Variants in ZNF717 observed in about 807,000 individuals in gnomAD.
The protein encoded by ZNF717 is krueppel-like factor X17.
ZNF717 carries 9 observed loss-of-function variants against 13.8 expected under a neutral mutation model. That is an observed-to-expected ratio of 0.65 (90% CI 0.39 to 1.14). The LOEUF is 1.14. Ranked by LOEUF, ZNF717 falls within the 50% of genes most tolerant of loss-of-function variation. The pLI is 0.01. For missense variants in ZNF717, 1,040 were observed against 1,080.7 expected (o/e 0.96, Z 0.53); for synonymous variants, 327 against 364.1 (o/e 0.90, Z 1.16).
intron 2 of ZNF717, among the ~76,000 whole-genome samples, chr3:75,750,887 CCT>C (rs1941713921): frequency 6.6e-6 from 1 of 151,426 alleles, no homozygotes; most frequent in Non-Finnish European, 1.5e-5. Flanking sequence ...AACGTTTGTC[CCT>C]CTCATGGGAT....
chr3:75,720,191 A>T (rs1257747453), intron 4 of ZNF717, among the ~76,000 whole-genome samples: 1 of 152,090 alleles, frequency 6.6e-6, no homozygotes, highest in Non-Finnish European at 1.5e-5. Context: ...ACCCAAAGAC[A>T]CATACACTAA....
chr3:75,782,651 T>C (rs1481884687), intron 2 of ZNF717, among the ~76,000 whole-genome samples: 1 of 152,096 alleles, frequency 6.6e-6, no homozygotes, highest in East Asian at 1.9e-4. Flanking sequence ...CCATTTCCAC[T>C]GCACAACACA....
At chr3:75,696,705 C>A (rs1475711705) in intron 6 of ZNF717, among the ~76,000 whole-genome samples, 3 of 152,288 alleles carry the variant, frequency 2.0e-5, no homozygotes, top group African/African-American at 7.2e-5. Context: ...CCAGTATGGC[C>A]AACATGGCAA....
At chr3:75,727,457 C>G (rs1938308197), downstream of ZNF717, among the ~76,000 whole-genome samples, 1 of 152,154 alleles carries the variant, frequency 6.6e-6, no homozygotes, top group African/African-American at 2.4e-5. Flanking sequence ...TCACTGAATT[C>G]TTTTCCCAGC....
chr3:75,736,858 G>A lies in ZNF717; in HGVS notation c.*20C>T. 6.6e-7 allele frequency: 1 copy of A among 1,522,688 alleles called. No individual in the cohort carries two copies. Among genetic ancestry groups the A allele is most frequent in the Non-Finnish European group, 8.8e-7 (1 of 1,133,840 alleles). The allele number at this position is 1,522,688 out of a possible 1,614,324, so 94.3% of individuals were successfully genotyped here. A position where few individuals can be genotyped will look rare whatever the true frequency, so the allele number is the denominator to read the frequency against. On this transcript the variant is annotated 3_prime_UTR_variant, in exon 5 of 5. Coordinates refer to ENST00000652011, the MANE Select transcript of ZNF717 (RefSeq NM_001290208.3). ...ATGGAGAAATCTGTAATAGTAGCCAGAGAGGTGTAGGTTGTGTGTTCAAGG... is the reference window on the plus strand; with the variant it reads ...ATGGAGAAATCTGTAATAGTAGCCAAAGAGGTGTAGGTTGTGTGTTCAAGG...
chr3:75,749,410 A>G (rs797021083), intron 2 of ZNF717, among the ~76,000 whole-genome samples: 3 of 152,044 alleles, frequency 2.0e-5, no homozygotes, highest in African/African-American at 7.2e-5. Flanking sequence ...TGTCCCTCAC[A>G]TAGGATTCAA....
downstream of ZNF717, among the ~76,000 whole-genome samples, chr3:75,727,176 G>A (rs1350322094): frequency 6.6e-6 from 1 of 152,274 alleles, no homozygotes; most frequent in Non-Finnish European, 1.5e-5. Flanking sequence ...AGCTGAGGAT[G>A]TATGTCGCCT....
intron 4 of ZNF717, among the ~76,000 whole-genome samples, chr3:75,740,951 T>C (rs1469701696): frequency 1.8e-5 from 2 of 110,140 alleles, no homozygotes; most frequent in African/African-American, 3.8e-5. Flanking sequence ...AATAAATGCA[T>C]GAATGTCTAA....
At chr3:75,774,261 A>G (rs1028804758) in intron 2 of ZNF717, among the ~76,000 whole-genome samples, 6 of 152,084 alleles carry the variant, frequency 3.9e-5, no homozygotes, top group Admixed American at 3.9e-4. Context: ...CAATGAGTAA[A>G]GATTTTTGCC....
chr3:75,722,257 TC>T (rs1938182984), intron 4 of ZNF717, among the ~76,000 whole-genome samples: 2 of 151,914 alleles, frequency 1.3e-5, no homozygotes, highest in East Asian at 3.9e-4. Flanking sequence ...AGATTCCACT[TC>T]AAAAAAAATT....
chr3:75,714,821 A>G (rs1575718168), intron 5 of ZNF717, among the ~76,000 whole-genome samples: 1 of 152,206 alleles, frequency 6.6e-6, no homozygotes, highest in Non-Finnish European at 1.5e-5. Flanking sequence ...TGTATATTTC[A>G]TGAGGCCATT....
At chr3:75,785,023 G>A (rs979767781) in intron 1 of ZNF717, 4 of 152,220 alleles carry the variant, frequency 2.6e-5, no homozygotes, top group Non-Finnish European at 5.9e-5. Context: ...AACCCAGGAG[G>A]ACTAGGCAGG....
intron 2 of ZNF717, among the ~76,000 whole-genome samples, chr3:75,777,268 A>C (rs374054258): frequency 0.02 from 505 of 24,956 alleles, no homozygotes; most frequent in African/African-American, 0.039. Context: ...GTGCTAAACC[A>C]AAAACCCAAA....
At chr3:75,730,444 T>G (rs1938461159) in exon 6 of ZNF717, 1 of 505,234 alleles carries the variant, frequency 2.0e-6, no homozygotes, top group African/African-American at 2.0e-5. Flanking sequence ...TCTGCCATGA[T>G]CACAGCTAGT....
At chr3:75,758,704 C>A (rs1942710015) in intron 2 of ZNF717, among the ~76,000 whole-genome samples, 2 of 152,210 alleles carry the variant, frequency 1.3e-5, no homozygotes, top group Non-Finnish European at 2.9e-5. Context: ...TAAGGCAAGA[C>A]CCTCCATCAG....
At chr3:75,746,645 T>A (rs1941202782) in intron 2 of ZNF717, among the ~76,000 whole-genome samples, 1 of 152,228 alleles carries the variant, frequency 6.6e-6, no homozygotes, top group East Asian at 1.9e-4. Flanking sequence ...ATGATGACCA[T>A]TTTTTCATGT....
downstream of ZNF717, among the ~76,000 whole-genome samples, chr3:75,735,375 G>T (rs1440422699): frequency 6.6e-6 from 1 of 152,048 alleles, no homozygotes; most frequent in Non-Finnish European, 1.5e-5. Flanking sequence ...AACAGGCCAG[G>T]TATAGTGGCT....
chr3:75,733,864 G>A (rs1938828231), downstream of ZNF717, among the ~76,000 whole-genome samples: 1 of 122,150 alleles, frequency 8.2e-6, no homozygotes, highest in Non-Finnish European at 1.7e-5. Context: ...TAAACATGCT[G>A]AGAGGAAAAA....
intron 2 of ZNF717, among the ~76,000 whole-genome samples, chr3:75,775,738 A>C (rs1944257300): frequency 6.6e-6 from 1 of 152,012 alleles, no homozygotes; most frequent in Non-Finnish European, 1.5e-5. Flanking sequence ...CTGTAATCCC[A>C]GCTACTCGGG....
Sources: allele counts gnomAD v4.1 joint callset (sites outside exome capture counted in the v4.1 genomes callset), GRCh38; gene constraint gnomAD v4.1.1; transcripts MANE v1.5; gene names NCBI Gene and HGNC (gene_info 2026-07-23, HGNC 2026-07-21).